Variants in MYO7A observed in about 807,000 individuals in gnomAD.
MYO7A encodes the protein unconventional myosin-VIIa.
In MYO7A, 210 loss-of-function variants were observed where a neutral mutation model predicts 263.8. The observed-to-expected ratio is 0.80, with a 90% CI of 0.71 to 0.89. The LOEUF (loss-of-function observed/expected upper bound fraction) is 0.89, where lower values mean the gene tolerates loss of function less well. Ranked by LOEUF, MYO7A falls within the 40% of genes least tolerant of loss-of-function variation. The probability of loss-of-function intolerance (pLI) is 0.00; values close to 1 mark genes in which losing one functional copy is unlikely to be tolerated. For missense variants in MYO7A, 2,820 were observed against 2,968.3 expected (o/e 0.95, Z 1.16); for synonymous variants, 1,239 against 1,197.3 (o/e 1.03, Z -0.72).
At chr11:77,182,339 A>T in intron 24 of MYO7A, 85 bp from the exon 25 acceptor site, 2 of 1,480,410 alleles carry the variant, frequency 1.4e-6, no homozygotes, top group African/African-American at 1.4e-5. Flanking sequence ...GGGTGTCTCC[A>T]GCCCACTCCC....
At chr11:77,152,942 A>G (rs1176653781) in intron 4 of MYO7A, among the ~76,000 whole-genome samples, 1 of 152,172 alleles carries the variant, frequency 6.6e-6, no homozygotes. Context: ...TGAAAGTTTC[A>G]TATGAATGGA....
chr11:77,183,693 G>A (rs897535023), intron 26 of MYO7A, among the ~76,000 whole-genome samples: 2 of 152,076 alleles, frequency 1.3e-5, no homozygotes, highest in African/African-American at 2.4e-5. Flanking sequence ...CACAGCCTTG[G>A]GGGCCAGGCC....
intron 3 of MYO7A, among the ~76,000 whole-genome samples, chr11:77,147,021 C>T (rs1438851079): frequency 2.0e-5 from 3 of 152,132 alleles, no homozygotes; most frequent in African/African-American, 7.2e-5. Flanking sequence ...GTGTCCTCCA[C>T]TTCAGCTCAC....
In MYO7A at chr11:77,215,002, A is replaced by C; in HGVS notation, c.*306A>C. 1 of 350,294 alleles carries C rather than the reference A, an allele frequency of 2.9e-6. No homozygotes were observed. The highest frequency in any genetic ancestry group is 5.4e-5 in the East Asian group (1 of 18,682). The allele number at this position is 350,294 out of a possible 1,614,324, so 21.7% of individuals were successfully genotyped here. On this transcript the variant is annotated 3_prime_UTR_variant, in exon 49 of 49. Transcript: ENST00000409709. ...GTGTCTCCTGTTTCAGACCAGCCCC[A>C]CCATGCAACTTCCTTTGACTTTCTG...
Position 77,181,471 on chromosome 11 carries a change from T to C in MYO7A, c.2786T>C (p.Met929Thr). Residue 929 changes from methionine (M) to threonine (T), a missense_variant, in exon 23 of 49, where the codon ATG becomes ACG. Transcript: ENST00000409709. ...ARRKKELLEQ[M>T]ERARHEPVNH... ...CGGAAGAAGGAGCTCCTGGAGCAGA[T>C]GGAAAGGGCCCGCCATGAGCCTGTC... 6.2e-7 allele frequency: 1 copy of C among 1,612,254 alleles called. No homozygotes were observed. The highest frequency in any genetic ancestry group is 8.5e-7 in the Non-Finnish European group (1 of 1,179,500).
chr11:77,210,962 G>A, intron 44 of MYO7A, 190 bp from the exon 45 acceptor site: 1 of 576,292 alleles, frequency 1.7e-6, no homozygotes, highest in East Asian at 2.8e-5. Context: ...GTCTGTGCAG[G>A]CAGACTTGCT....
chr11:77,211,479 G>A, intron 45 of MYO7A, 142 bp downstream of exon 45: 1 of 964,250 alleles, frequency 1.0e-6, no homozygotes, highest in Non-Finnish European at 1.5e-6. Flanking sequence ...GCCCACCCTT[G>A]TTCCTCCACC....
Position 77,202,427 on chromosome 11 carries a change from G to C in MYO7A, c.5168+3G>C. 1 of 1,550,564 alleles carries C rather than the reference G, an allele frequency of 6.4e-7. No individual in the cohort carries two copies. Among genetic ancestry groups the C allele is most frequent in the Non-Finnish European group, 8.7e-7 (1 of 1,146,572 alleles). Reference sequence around the variant, plus strand: ...GAGTTTTCCTATGACTACTTCAGGTGATGCCTCCTGGGGAAGGATGGGAGC... The same window carrying C: ...GAGTTTTCCTATGACTACTTCAGGTCATGCCTCCTGGGGAAGGATGGGAGC... On this transcript the variant is annotated splice_donor_region_variant and intron_variant, in intron 37 of 48. Transcript: ENST00000409709.
At position 77,176,712 on chromosome 11, in the gene MYO7A, C is replaced by T. The variant is rs79525698; in HGVS notation, c.2188-837C>T. Among the ~76,000 whole-genome samples the T allele has an allele frequency of 2.6e-4, 39 of 152,292 alleles. 1 individual carries two copies. In the East Asian group the frequency reaches 7.5e-3, roughly 29 times the overall value. ...CATTCATTCATTCAGAATGCCTCGG[C>T]TGAGCATCTCCTCTGTCAGGGCCCT... On this transcript the variant is annotated intron_variant, in intron 18 of 48. Coordinates refer to ENST00000409709, the MANE Select transcript of MYO7A (RefSeq NM_000260.4).
chr11:77,208,456 CTTCT>C lies in MYO7A; in HGVS notation c.5886_5889del (p.Phe1962LeufsTer7), dbSNP rs1397834886. On this transcript the variant is annotated frameshift_variant, in exon 43 of 49. Coordinates refer to ENST00000409709, the MANE Select transcript of MYO7A (RefSeq NM_000260.4). LOFTEE classifies it high-confidence loss of function. ...TCCTCAGCGTTCCTGAGAATGACTT[CTTCT>C]TTGACTTTGTTCGACACTTGACAGA... 8 of 1,613,592 alleles carry C rather than the reference CTTCT, an allele frequency of 5.0e-6. No homozygotes were observed. The highest frequency in any genetic ancestry group is 6.8e-6 in the Non-Finnish European group (8 of 1,179,742).
chr11:77,164,814 C>T (rs1555071488), intron 14 of MYO7A, among the ~76,000 whole-genome samples: 1 of 152,162 alleles, frequency 6.6e-6, no homozygotes, highest in African/African-American at 2.4e-5. Flanking sequence ...CTGGAGGGAA[C>T]ATAAGGGTCA....
At chr11:77,191,773 A>C (rs77574067) in intron 30 of MYO7A, among the ~76,000 whole-genome samples, 1 of 151,934 alleles carries the variant, frequency 6.6e-6, no homozygotes, top group Admixed American at 6.6e-5. Flanking sequence ...CGATGCTCTT[A>C]TGTTTCCAGG....
intron 28 of MYO7A, 53 bp downstream of exon 28, chr11:77,189,523 A>G (rs1955880031): frequency 6.2e-7 from 1 of 1,608,530 alleles, no homozygotes; most frequent in African/African-American, 1.3e-5. Flanking sequence ...GCCCTGTCCC[A>G]GCACTGTGGG....
intron 2 of MYO7A, 113 bp downstream of exon 2, chr11:77,130,765 T>C (rs1475282022): frequency 5.6e-6 from 7 of 1,255,640 alleles, no homozygotes; most frequent in Non-Finnish European, 7.9e-6. Flanking sequence ...AATTCCTGCC[T>C]AGGCTTCCAA....
chr11:77,162,149 A>G lies in MYO7A; in HGVS notation c.1373A>G (p.Asn458Ser), dbSNP rs121965084. 1.5e-5 allele frequency: 24 copies of G among 1,603,690 alleles called. No homozygotes were observed. The highest frequency in any genetic ancestry group is 4.5e-5 in the East Asian group (2 of 44,626). The change falls in exon 13 of 49, where the codon AAT becomes AGT. Residue 458 changes from asparagine (N) to serine (S), a missense_variant. Physicochemically the swap from Asn to Ser is conservative, Grantham distance 46. Transcript: ENST00000409709. ...SFEQLCINFANEHLQQFFVRH... is the reference protein window; with the variant it reads ...SFEQLCINFASEHLQQFFVRH... ...GAGCAGCTCTGCATCAACTTCGCCA[A>G]TGAGCACCTGCAGCAGTTCTTTGTG...
Position 77,214,888 on chromosome 11 carries a change from T to G in MYO7A, c.*192T>G. On this transcript the variant is annotated 3_prime_UTR_variant, in exon 49 of 49. Coordinates refer to ENST00000409709, the MANE Select transcript of MYO7A (RefSeq NM_000260.4). The stretch of plus-strand genomic sequence containing the variant: ...GAGGCATCTCTCTGGGATGCAGAAC[T>G]TCCCTCCATCCACCCCTCTGGCACC... 1 of 561,340 alleles carries G rather than the reference T, an allele frequency of 1.8e-6. No individual in the cohort carries two copies. The highest frequency in any genetic ancestry group is 3.2e-6 in the Non-Finnish European group (1 of 315,454). 34.8% of individuals were successfully genotyped at this position (561,340 alleles called of 1,614,324 possible).
chr11:77,197,481 G>T lies in MYO7A; in HGVS notation c.4324G>T (p.Gly1442Trp). Residue 1442 changes from glycine (G) to tryptophan (W), a missense_variant and splice_region_variant, in exon 33 of 49, where the codon GGG becomes TGG. By Grantham distance (184) the Gly-to-Trp change is radical. Coordinates refer to ENST00000409709, the MANE Select transcript of MYO7A (RefSeq NM_000260.4). ...TCCCTCTGTCCCTCTCTCCTTCCAG[G>T]GGATTTATGCCCAGAGGAGAACTGA... ...AQLAIAAHKKGIYAQRRTDAQ... is the reference protein window; with the variant it reads ...AQLAIAAHKKWIYAQRRTDAQ... 2 of 1,588,292 alleles carry T rather than the reference G, an allele frequency of 1.3e-6. No individual in the cohort carries two copies. The highest frequency in any genetic ancestry group is 4.6e-5 in the East Asian group (2 of 43,924).
At chr11:77,190,580 C>T in intron 29 of MYO7A, 117 bp from the exon 30 acceptor site, 3 of 1,205,154 alleles carry the variant, frequency 2.5e-6, no homozygotes, top group South Asian at 1.4e-5. Flanking sequence ...CAGTGAGGTA[C>T]TGGGGCCTGG....
At chr11:77,160,811 G>T (rs930053456) in intron 11 of MYO7A, among the ~76,000 whole-genome samples, 162 bp from the exon 12 acceptor site, 4 of 152,092 alleles carry the variant, frequency 2.6e-5, no homozygotes, top group African/African-American at 7.2e-5. Flanking sequence ...GCAGGAAAAG[G>T]GGTCTCCAGG....
Sources: allele counts gnomAD v4.1 joint callset (sites outside exome capture counted in the v4.1 genomes callset), GRCh38; gene constraint gnomAD v4.1.1; transcripts MANE v1.5; gene names NCBI Gene and HGNC (gene_info 2026-07-23, HGNC 2026-07-21).